KCNMA1: variants seen among roughly 807,000 people sequenced by gnomAD.
The protein encoded by KCNMA1 is potassium calcium-activated channel subfamily M alpha 1.
KCNMA1 carries 29 observed loss-of-function variants against 140.0 expected under a neutral mutation model. The observed-to-expected ratio is 0.21, with a 90% CI of 0.15 to 0.28. The LOEUF (loss-of-function observed/expected upper bound fraction) is 0.28. Among genes scored for constraint, KCNMA1 ranks in the 10% least tolerant of loss-of-function variants. KCNMA1 has a pLI of 1.00. For synonymous variants in KCNMA1, 612 were observed against 611.9 expected (o/e 1.00, Z 0.00); for missense variants, 880 against 1,602.2 (o/e 0.55, Z 7.70).
At chr10:76,990,395 T>C (rs1376202446) in intron 19 of KCNMA1, among the ~76,000 whole-genome samples, 1 of 152,202 alleles carries the variant, frequency 6.6e-6, no homozygotes, top group East Asian at 1.9e-4. Context: ...GATCTCTCAG[T>C]TCACTGCACA....
intron 1 of KCNMA1, among the ~76,000 whole-genome samples, chr10:77,507,230 C>G (rs1286661513): frequency 6.6e-6 from 1 of 152,134 alleles, no homozygotes; most frequent in Non-Finnish European, 1.5e-5. Context: ...AAAATGAGGA[C>G]TCTTGCAACT....
intron 1 of KCNMA1, among the ~76,000 whole-genome samples, chr10:77,590,289 C>T (rs1407791494): frequency 6.6e-6 from 1 of 152,250 alleles, no homozygotes; most frequent in Non-Finnish European, 1.5e-5. Context: ...CCGCACTCCT[C>T]AGCCCTTGGG....
chr10:76,909,648 C>T (rs1447112363), intron 25 of KCNMA1, among the ~76,000 whole-genome samples: 2 of 152,138 alleles, frequency 1.3e-5, no homozygotes, highest in Non-Finnish European at 2.9e-5. Flanking sequence ...CCCAAGATCT[C>T]CCCTCTTTAT....
At chr10:77,232,615 T>C (rs564736413) in intron 3 of KCNMA1, among the ~76,000 whole-genome samples, 18 of 152,356 alleles carry the variant, frequency 1.2e-4, no homozygotes, top group Middle Eastern at 3.4e-3. Flanking sequence ...GTCATTTCAC[T>C]TTCTTTGTAA....
intron 18 of KCNMA1, among the ~76,000 whole-genome samples, chr10:77,004,346 C>T (rs1004983844): frequency 1.3e-5 from 2 of 152,002 alleles, no homozygotes; most frequent in Non-Finnish European, 2.9e-5. Flanking sequence ...CTTCATGAAT[C>T]AGAATGTCTA....
intron 19 of KCNMA1, among the ~76,000 whole-genome samples, chr10:76,999,305 G>A (rs545866541): frequency 2.9e-4 from 44 of 152,352 alleles, no homozygotes; most frequent in Non-Finnish European, 5.6e-4. Context: ...GGTATTGTTG[G>A]CCAGTGCCAA....
chr10:76,926,789 C>T (rs1017782158), intron 23 of KCNMA1, among the ~76,000 whole-genome samples: 2 of 152,168 alleles, frequency 1.3e-5, no homozygotes, highest in African/African-American at 4.8e-5. Context: ...AATCCTATCA[C>T]ATTGTCGGTA....
At chr10:76,968,553 G>A (rs2074856886) in intron 20 of KCNMA1, among the ~76,000 whole-genome samples, 1 of 152,076 alleles carries the variant, frequency 6.6e-6, no homozygotes, top group Non-Finnish European at 1.5e-5. Flanking sequence ...ACTTTAAATG[G>A]GAATAACTAT....
intron 2 of KCNMA1, chr10:77,315,751 T>C (rs1192732806): frequency 6.6e-6 from 1 of 152,200 alleles, no homozygotes; most frequent in African/African-American, 2.4e-5. Flanking sequence ...TTTATTAGAA[T>C]GCAGTGCCAC....
At chr10:77,334,327 G>C (rs567842663) in intron 2 of KCNMA1, among the ~76,000 whole-genome samples, 1 of 152,154 alleles carries the variant, frequency 6.6e-6, no homozygotes, top group Non-Finnish European at 1.5e-5. Flanking sequence ...AATGATGGAA[G>C]ATGTTTTTGT....
chr10:77,447,256 C>T (rs1348969691), intron 1 of KCNMA1, among the ~76,000 whole-genome samples: 1 of 152,132 alleles, frequency 6.6e-6, no homozygotes, highest in Non-Finnish European at 1.5e-5. Context: ...CTGGGTTGGC[C>T]GAGGTTTTGT....
chr10:77,003,333 T>A (rs547937207), intron 18 of KCNMA1, among the ~76,000 whole-genome samples: 23 of 152,280 alleles, frequency 1.5e-4, no homozygotes, highest in Non-Finnish European at 2.6e-4. Flanking sequence ...AATAAAAAAG[T>A]TCCACTATAG....
chr10:77,557,037 T>G (rs1017146025), intron 1 of KCNMA1, among the ~76,000 whole-genome samples: 59 of 152,150 alleles, frequency 3.9e-4, no homozygotes, highest in African/African-American at 1.4e-3. Context: ...TGCTGGCAAT[T>G]AATTTTGGCA....
At chr10:77,203,066 C>T (rs2042957159) in intron 3 of KCNMA1, among the ~76,000 whole-genome samples, 1 of 152,186 alleles carries the variant, frequency 6.6e-6, no homozygotes, top group Non-Finnish European at 1.5e-5. Flanking sequence ...CCGTTATTAC[C>T]TGCAAGTGGC....
intron 2 of KCNMA1, among the ~76,000 whole-genome samples, chr10:77,360,733 T>A (rs2093875787): frequency 6.6e-6 from 1 of 152,208 alleles, no homozygotes; most frequent in Non-Finnish European, 1.5e-5. Flanking sequence ...TGAGTCAAGC[T>A]ACTTTAAATC....
At chr10:77,487,167 G>C (rs189583640) in intron 1 of KCNMA1, among the ~76,000 whole-genome samples, 1 of 152,186 alleles carries the variant, frequency 6.6e-6, no homozygotes, top group Admixed American at 6.5e-5. Context: ...GTAGAATCTA[G>C]ATGAGTAAAC....
At chr10:77,511,234 T>C (rs772525088) in intron 1 of KCNMA1, among the ~76,000 whole-genome samples, 1 of 152,234 alleles carries the variant, frequency 6.6e-6, no homozygotes, top group Non-Finnish European at 1.5e-5. Context: ...GTGATGCTGA[T>C]GCTGTTGACC....
chr10:76,991,747 G>T (rs533553198), intron 19 of KCNMA1, among the ~76,000 whole-genome samples: 22 of 152,108 alleles, frequency 1.4e-4, no homozygotes, highest in Non-Finnish European at 2.8e-4. Flanking sequence ...CTACATTTTT[G>T]ACCTTGGAGG....
At chr10:77,128,125 A>T (rs1323078721) in intron 5 of KCNMA1, among the ~76,000 whole-genome samples, 2 of 152,064 alleles carry the variant, frequency 1.3e-5, no homozygotes, top group African/African-American at 2.4e-5. Flanking sequence ...TTTCTTCTCT[A>T]AAGTGCTTTA....
Sources: allele counts gnomAD v4.1 joint callset (sites outside exome capture counted in the v4.1 genomes callset), GRCh38; gene constraint gnomAD v4.1.1; transcripts MANE v1.5; gene names NCBI Gene and HGNC (gene_info 2026-07-23, HGNC 2026-07-21).